DAB1: variants seen among roughly 807,000 people sequenced by gnomAD.
DAB1 encodes the protein disabled homolog 1.
A neutral mutation model predicts 64.6 loss-of-function variants in DAB1; 15 were observed. That is an observed-to-expected ratio of 0.23 (90% CI 0.16 to 0.36). The LOEUF is 0.36. Ranked by LOEUF, DAB1 falls within the 10% of genes least tolerant of loss-of-function variation. The pLI, the probability that DAB1 is intolerant of heterozygous loss-of-function variation, is 1.00. For synonymous variants in DAB1, 235 were observed against 251.9 expected (o/e 0.93, Z 0.64); for missense variants, 596 against 706.7 (o/e 0.84, Z 1.78).
At position 58,300,801 on chromosome 1, in the gene DAB1, T is replaced by A. The variant is rs562914364; in HGVS notation, n.309+42551A>T. Among the ~76,000 whole-genome samples, 68 of 152,026 alleles carry A rather than the reference T, an allele frequency of 4.5e-4. 1 individual carries two copies. In the South Asian group the frequency reaches 7.9e-3, roughly 18 times the overall value. On this transcript the variant is annotated intron_variant and non_coding_transcript_variant, in intron 4 of 20. Coordinates refer to the DAB1 transcript ENST00000485760. ...CAGAGGCAGAACCAATGCATACAGT[T>A]CTGCACATTGTGCTGTGTGCTGAGT...
intron 6 of DAB1, among the ~76,000 whole-genome samples, chr1:57,819,838 T>C (rs1652037286): frequency 1.3e-5 from 2 of 152,178 alleles, no homozygotes; most frequent in Non-Finnish European, 2.9e-5. Context: ...AATAGCTTTA[T>C]AGTCTCCCTA....
At chr1:58,435,950 T>C (rs953398440) in intron 3 of DAB1, among the ~76,000 whole-genome samples, 5 of 152,246 alleles carry the variant, frequency 3.3e-5, no homozygotes, top group African/African-American at 9.6e-5. Flanking sequence ...GAGGATCAGA[T>C]GGCTGCTGCT....
In DAB1 at chr1:57,082,832, T is replaced by A. The variant is rs74077349; in HGVS notation, c.307-10418A>T. Among the ~76,000 whole-genome samples the A allele has an allele frequency of 4.3e-3, 654 of 152,278 alleles. 11 individuals carry two copies. Among genetic ancestry groups the A allele is most frequent in the African/African-American group, 0.015 (622 of 41,564 alleles). On this transcript the variant is annotated intron_variant, in intron 4 of 14. Transcript: ENST00000371236. ...CCGAGGATAACAGCTTCCAGCTCCA[T>A]CCATGTCCCTGCAAAAGACATAATC...
chr1:57,548,117 T>A (rs893166988), intron 7 of DAB1, among the ~76,000 whole-genome samples: 2 of 152,200 alleles, frequency 1.3e-5, no homozygotes, highest in Admixed American at 1.3e-4. Context: ...TCTGTCTGCA[T>A]CCTCAACCAG....
chr1:57,382,435 G>A (rs890551502), intron 1 of DAB1, among the ~76,000 whole-genome samples: 14 of 152,088 alleles, frequency 9.2e-5, no homozygotes, highest in African/African-American at 3.1e-4. Context: ...TTCTTTTGCT[G>A]CCATAACAAA....
At chr1:57,390,648 G>T (rs1682271158) in intron 1 of DAB1, among the ~76,000 whole-genome samples, 1 of 152,150 alleles carries the variant, frequency 6.6e-6, no homozygotes, top group Non-Finnish European at 1.5e-5. Flanking sequence ...CTTCAAAGGG[G>T]CCTATAAAGA....
chr1:58,263,735 A>C (rs1028643585), intron 4 of DAB1, among the ~76,000 whole-genome samples: 2 of 152,186 alleles, frequency 1.3e-5, no homozygotes, highest in Non-Finnish European at 2.9e-5. Context: ...TTTAGCTCTA[A>C]TTTTTATTTT....
intron 7 of DAB1, among the ~76,000 whole-genome samples, chr1:57,439,421 T>TTTTTTTTTTTTTTTTTTTTGTTTTTTTG (rs1558381279): frequency 8.4e-6 from 1 of 118,858 alleles, no homozygotes; most frequent in African/African-American, 3.7e-5. Context: ...TGATGAGGTT[T>TTTTTTTTTTTTTTTTTTTTGTTTTTTTG]TTTCTTTTTT....
intron 6 of DAB1, among the ~76,000 whole-genome samples, chr1:57,711,414 A>G (rs1341536284): frequency 1.3e-5 from 2 of 152,284 alleles, no homozygotes; most frequent in African/African-American, 4.8e-5. Flanking sequence ...TGCAGATGGG[A>G]AAAGGCCTAG....
At chr1:57,511,448 T>C (rs1193223343) in intron 7 of DAB1, among the ~76,000 whole-genome samples, 1 of 152,226 alleles carries the variant, frequency 6.6e-6, no homozygotes, top group Non-Finnish European at 1.5e-5. Context: ...GACTGCCTTA[T>C]TCTATCCTTC....
intron 4 of DAB1, among the ~76,000 whole-genome samples, chr1:58,192,292 G>C (rs1024215428): frequency 1.9e-4 from 29 of 152,138 alleles, no homozygotes; most frequent in Non-Finnish European, 2.9e-5. Context: ...TATATTTAGG[G>C]GGTACAAGTG....
At chr1:57,091,494 G>A (rs1267144116) in intron 4 of DAB1, among the ~76,000 whole-genome samples, 2 of 152,114 alleles carry the variant, frequency 1.3e-5, no homozygotes, top group Non-Finnish European at 2.9e-5. Context: ...TTAGCTCAGA[G>A]AGACTAAGTA....
intron 2 of DAB1, among the ~76,000 whole-genome samples, chr1:57,284,074 A>G (rs1453055198): frequency 6.6e-6 from 1 of 152,252 alleles, no homozygotes; most frequent in African/African-American, 2.4e-5. Context: ...AAGGCAATGA[A>G]AAGAGTTTTA....
chr1:58,357,026 C>CAA (rs3990929), intron 3 of DAB1, among the ~76,000 whole-genome samples: 21 of 86,090 alleles, frequency 2.4e-4, no homozygotes, highest in African/African-American at 8.0e-4. Context: ...ACCCTGTCTC[C>CAA]AAAAAAAAAA....
chr1:57,989,195 G>T (rs545057052), intron 5 of DAB1, among the ~76,000 whole-genome samples: 33 of 152,120 alleles, frequency 2.2e-4, no homozygotes, highest in Non-Finnish European at 4.0e-4. Flanking sequence ...AGGCATGAGG[G>T]TTATATGAGT....
chr1:57,688,636 T>C (rs1205172042), intron 6 of DAB1, among the ~76,000 whole-genome samples: 2 of 152,164 alleles, frequency 1.3e-5, no homozygotes, highest in Non-Finnish European at 2.9e-5. Flanking sequence ...CACAGTGCTA[T>C]TCACATTAGC....
At chr1:58,387,067 CAAAAACAAAACAA>C (rs1286535497) in intron 3 of DAB1, among the ~76,000 whole-genome samples, 3 of 151,946 alleles carry the variant, frequency 2.0e-5, no homozygotes, top group African/African-American at 4.8e-5. Context: ...TCTCAAAAAA[CAAAAACAAAACAA>C]AAAAACAAAC....
chr1:57,628,088 G>A (rs1180145853), intron 7 of DAB1, among the ~76,000 whole-genome samples: 1 of 152,176 alleles, frequency 6.6e-6, no homozygotes, highest in Non-Finnish European at 1.5e-5. Flanking sequence ...CCCAATTTGG[G>A]TTGAGATAAT....
intron 1 of DAB1, among the ~76,000 whole-genome samples, chr1:58,544,869 T>C (rs952388710): frequency 3.1e-4 from 47 of 152,190 alleles, no homozygotes; most frequent in Admixed American, 2.9e-3. Context: ...GTTGGGATTA[T>C]AGGCCTGAGC....
Sources: gnomAD v4.1 joint callset for allele counts (sites outside exome capture counted in the v4.1 genomes callset) on GRCh38, gnomAD v4.1.1 for gene constraint, MANE v1.5 for transcripts, NCBI Gene and HGNC (gene_info 2026-07-23, HGNC 2026-07-21) for gene names.